Variants in CAMK1D observed in about 807,000 individuals in gnomAD.
CAMK1D encodes the protein calcium/calmodulin-dependent protein kinase type 1D.
A neutral mutation model predicts 47.7 loss-of-function variants in CAMK1D; 9 were observed. That is an observed-to-expected ratio of 0.19 (90% CI 0.11 to 0.33). The LOEUF is 0.33. Ranked by LOEUF, CAMK1D falls within the 10% of genes least tolerant of loss-of-function variation. The probability of loss-of-function intolerance (pLI) is 1.00; values close to 1 mark genes in which losing one functional copy is unlikely to be tolerated. For synonymous variants in CAMK1D, 184 were observed against 184.9 expected, an observed-to-expected ratio of 0.99 and a Z score of 0.04; for missense variants, 291 against 488.7, an observed-to-expected ratio of 0.60 and a Z score of 3.81.
chr10:12,770,246 A>ACT (rs1836979583), intron 5 of CAMK1D, among the ~76,000 whole-genome samples: 1 of 152,194 alleles, frequency 6.6e-6, no homozygotes, highest in African/African-American at 2.4e-5. Context: ...TGACCAAGTC[A>ACT]CTCTCATCAA....
In CAMK1D at chr10:12,835,198, C is replaced by G. The variant is rs1467285273; in HGVS notation, c.*6311C>G. ...TTGTCACTACACATAATGTAATCTCCCTTCTTTCAGCTCCCCCAACAGTGA... is the reference window on the plus strand; with the variant it reads ...TTGTCACTACACATAATGTAATCTCGCTTCTTTCAGCTCCCCCAACAGTGA... On this transcript the variant is annotated 3_prime_UTR_variant, in exon 11 of 11. Transcript: ENST00000619168. The G allele has an allele frequency of 6.6e-6, 1 of 152,194 alleles. No homozygotes were observed. Among genetic ancestry groups the G allele is most frequent in the Non-Finnish European group, 1.5e-5 (1 of 68,044 alleles). 9.4% of individuals were successfully genotyped at this position (152,194 alleles called of 1,614,324 possible). A position where few individuals can be genotyped will look rare whatever the true frequency, so the allele number is the denominator to read the frequency against.
At chr10:12,644,387 A>G (rs1312480897) in intron 2 of CAMK1D, among the ~76,000 whole-genome samples, 1 of 152,184 alleles carries the variant, frequency 6.6e-6, no homozygotes, top group African/African-American at 2.4e-5. Context: ...CCAAAAGTCA[A>G]TTCCCTTCAT....
At chr10:12,665,953 C>G (rs1485148531) in intron 2 of CAMK1D, among the ~76,000 whole-genome samples, 2 of 152,260 alleles carry the variant, frequency 1.3e-5, no homozygotes, top group African/African-American at 4.8e-5. Flanking sequence ...CAGTATTTCT[C>G]AAGCTCTAGT....
intron 1 of CAMK1D, among the ~76,000 whole-genome samples, chr10:12,439,211 T>C (rs1462302172): frequency 1.3e-5 from 2 of 152,212 alleles, no homozygotes; most frequent in African/African-American, 4.8e-5. Flanking sequence ...ATAACTCATA[T>C]TCGAAGTCAT....
At chr10:12,387,387 A>G (rs1588429925) in intron 1 of CAMK1D, among the ~76,000 whole-genome samples, 1 of 31,932 alleles carries the variant, frequency 3.1e-5, no homozygotes, top group African/African-American at 5.4e-5. Context: ...TATATTATAT[A>G]TATTATATAT....
chr10:12,409,218 C>T (rs531482333), intron 1 of CAMK1D, among the ~76,000 whole-genome samples: 3 of 152,220 alleles, frequency 2.0e-5, no homozygotes, highest in Admixed American at 6.5e-5. Flanking sequence ...GTTCTGTAAT[C>T]GTGTATTCAG....
intron 2 of CAMK1D, among the ~76,000 whole-genome samples, chr10:12,632,716 A>C (rs186165653): frequency 1.8e-4 from 28 of 151,994 alleles, no homozygotes; most frequent in Admixed American, 9.8e-4. Flanking sequence ...TTCTTTTTTT[A>C]GACAGTCTCA....
chr10:12,540,179 C>T (rs1836121504), intron 1 of CAMK1D, among the ~76,000 whole-genome samples: 1 of 151,720 alleles, frequency 6.6e-6, no homozygotes. Flanking sequence ...ATCCTCCTGC[C>T]TTGGCCTCTC....
chr10:12,612,533 G>A lies in CAMK1D; in HGVS notation c.225-54203G>A, dbSNP rs560659213. ...CTCAGGTTGGGTTTTAATACTGTGG[G>A]TTTAATGGTGTCCTGGATGTACCAG... On this transcript the variant is annotated intron_variant, in intron 2 of 10. Coordinates refer to ENST00000619168, the MANE Select transcript of CAMK1D (RefSeq NM_153498.4). Among the ~76,000 whole-genome samples the A allele has an allele frequency of 9.9e-5, 15 of 152,106 alleles. No homozygotes were observed. In the South Asian group the frequency reaches 1.9e-3, roughly 19 times the overall value.
At chr10:12,700,332 A>C (rs977241808) in intron 3 of CAMK1D, among the ~76,000 whole-genome samples, 4 of 152,170 alleles carry the variant, frequency 2.6e-5, no homozygotes, top group African/African-American at 9.7e-5. Flanking sequence ...GTTCTTCTTC[A>C]CGTGGTGGGA....
chr10:12,384,812 A>G (rs12570349), intron 1 of CAMK1D, among the ~76,000 whole-genome samples: 23,545 of 152,210 alleles, frequency 0.15, 2,260 homozygotes, highest in East Asian at 0.33. Flanking sequence ...TTCATCAAAA[A>G]TTGTGCATCA....
At chr10:12,739,934 A>C (rs1475725342) in intron 3 of CAMK1D, among the ~76,000 whole-genome samples, 1 of 152,194 alleles carries the variant, frequency 6.6e-6, no homozygotes, top group Non-Finnish European at 1.5e-5. Context: ...AGTTGCACAA[A>C]TATTTTTGAA....
chr10:12,775,046 G>A (rs1168817495), intron 5 of CAMK1D, among the ~76,000 whole-genome samples: 1 of 151,096 alleles, frequency 6.6e-6, no homozygotes, highest in East Asian at 2.0e-4. Context: ...CTGTGAGAAG[G>A]CTCAGGCATT....
chr10:12,466,373 A>T (rs1411992966), intron 1 of CAMK1D, among the ~76,000 whole-genome samples: 2 of 152,124 alleles, frequency 1.3e-5, no homozygotes, highest in African/African-American at 2.4e-5. Context: ...GCACCACTGC[A>T]CTCCAGCCTG....
chr10:12,556,910 T>G (rs11257886), intron 2 of CAMK1D, among the ~76,000 whole-genome samples: 49,953 of 152,072 alleles, frequency 0.33, 9,181 homozygotes, highest in Non-Finnish European at 0.42. Context: ...AGCAGCACAT[T>G]AACACAGAAG....
chr10:12,825,787 G>C lies in CAMK1D; in HGVS notation c.1039+97G>C, dbSNP rs1283395157. 8 of 1,585,092 alleles carry C rather than the reference G, an allele frequency of 5.0e-6. No homozygotes were observed. The Admixed American group carries it at 9.5e-5, about 19-fold the overall frequency. On this transcript the variant is annotated intron_variant, in intron 10 of 10. Transcript: ENST00000619168. ...GGCATCTGCCGAGCACCTCCTGTTT[G>C]CCAGGCGCTTTCTATACTTAATCCC...
At chr10:12,787,517 T>G (rs932894914) in intron 5 of CAMK1D, among the ~76,000 whole-genome samples, 5 of 152,170 alleles carry the variant, frequency 3.3e-5, no homozygotes, top group Non-Finnish European at 7.4e-5. Context: ...GCAGGAAGCC[T>G]GCTCTGCGGT....
chr10:12,669,826 T>C (rs1840553842), intron 3 of CAMK1D, among the ~76,000 whole-genome samples: 1 of 152,238 alleles, frequency 6.6e-6, no homozygotes, highest in African/African-American at 2.4e-5. Flanking sequence ...TCATCATTAT[T>C]TTGACATTCA....
intron 5 of CAMK1D, among the ~76,000 whole-genome samples, chr10:12,785,568 A>G (rs1381975115): frequency 1.3e-5 from 2 of 152,158 alleles, no homozygotes; most frequent in Admixed American, 6.5e-5. Flanking sequence ...CATAGTTCAG[A>G]GCCCTCATCA....
Sources: gnomAD v4.1 joint callset for allele counts (sites outside exome capture counted in the v4.1 genomes callset) on GRCh38, gnomAD v4.1.1 for gene constraint, MANE v1.5 for transcripts, NCBI Gene and HGNC (gene_info 2026-07-23, HGNC 2026-07-21) for gene names.